The following SMC2 variants were observed in gnomAD, a reference collection of about 807,000 sequenced individuals.
The protein encoded by SMC2 is structural maintenance of chromosomes 2.
In SMC2, 41 loss-of-function variants were observed where a neutral mutation model predicts 142.6. The observed-to-expected ratio is 0.29, with a 90% confidence interval of 0.22 to 0.37. SMC2 has a LOEUF of 0.37. SMC2 is among the 10% of genes least tolerant of loss of function. SMC2 has a pLI of 1.00. For missense variants in SMC2, 1,265 were observed against 1,373.7 expected, an observed-to-expected ratio of 0.92 and a Z score of 1.25; for synonymous variants, 463 against 457.5, an observed-to-expected ratio of 1.01 and a Z score of -0.15.
chr9:104,127,361 G>GCTAAATATGCAGAAGTGGCAA lies in SMC2; in HGVS notation c.2672_2692dup (p.Ala897_Lys898insThrLysTyrAlaGluValAla). On this transcript the variant is annotated inframe_insertion, in exon 20 of 25. Transcript: ENST00000374793. Reference sequence around the variant, plus strand: ...AACAGCCCAAGACACTGTAATTAAAGCTAAATATGCAGAAGTGGCAAAACA... The same window carrying GCTAAATATGCAGAAGTGGCAA: ...AACAGCCCAAGACACTGTAATTAAAGCTAAATATGCAGAAGTGGCAACTAAATATGCAGAAGTGGCAAAACA... 6.2e-7 allele frequency: 1 copy of GCTAAATATGCAGAAGTGGCAA among 1,613,826 alleles called. No homozygotes were observed. The highest frequency in any genetic ancestry group is 8.5e-7 in the Non-Finnish European group (1 of 1,179,798).
rs143958931 is a variant in SMC2 at position 104,099,065 on chromosome 9, C to G, written c.441+497C>G. On this transcript the variant is annotated intron_variant, in intron 4 of 24. Transcript: ENST00000374793. Reference sequence around the variant, plus strand: ...CAGTGGGACCAAAATAAAAATATTTCCACTACACACCTTCATAGTTGAAAC... The same window carrying G: ...CAGTGGGACCAAAATAAAAATATTTGCACTACACACCTTCATAGTTGAAAC... Among the ~76,000 whole-genome samples the G allele has an allele frequency of 5.4e-3, 829 of 152,162 alleles. 2 individuals are homozygous for G. Among genetic ancestry groups the G allele is most frequent in the East Asian group, 0.015 (78 of 5,188 alleles).
intron 17 of SMC2, 86 bp from the exon 18 acceptor site, chr9:104,124,826 T>C (rs1834092358): frequency 2.0e-6 from 2 of 1,018,784 alleles, no homozygotes; most frequent in African/African-American, 3.3e-5. Context: ...CCCTGTAATT[T>C]TCCAAACCAT....
At chr9:104,113,205 A>AACTT in intron 10 of SMC2, 111 bp from the exon 11 acceptor site, 1 of 699,596 alleles carries the variant, frequency 1.4e-6, no homozygotes, top group Non-Finnish European at 2.2e-6. Flanking sequence ...CAAACAATTA[A>AACTT]ACTTTGAAGG....
intron 17 of SMC2, among the ~76,000 whole-genome samples, chr9:104,123,825 A>AT (rs1204422470): frequency 6.6e-6 from 1 of 152,114 alleles, no homozygotes; most frequent in African/African-American, 2.4e-5. Context: ...ATTTAGTGTA[A>AT]TTCACTTTAT....
At chr9:104,132,606 GTGCCTTC>G (rs2131546926) in intron 22 of SMC2, among the ~76,000 whole-genome samples, 1 of 152,230 alleles carries the variant, frequency 6.6e-6, no homozygotes, top group South Asian at 2.1e-4. Flanking sequence ...TAGCAAACCT[GTGCCTTC>G]TGGGTTTTAA....
chr9:104,095,583 T>C, intron 2 of SMC2, 31 bp downstream of exon 2: 2 of 1,573,548 alleles, frequency 1.3e-6, no homozygotes, highest in African/African-American at 1.3e-5. Flanking sequence ...TTTATTTGAA[T>C]TTAAGTTGGC....
intron 22 of SMC2, among the ~76,000 whole-genome samples, chr9:104,132,697 CT>C (rs1258323156): frequency 6.6e-6 from 1 of 152,058 alleles, no homozygotes; most frequent in African/African-American, 2.4e-5. Context: ...ACAATTATCC[CT>C]TTTAGTCACC....
Position 104,129,721 on chromosome 9 carries a change from A to G in SMC2, c.2867A>G (p.Asp956Gly), listed in dbSNP as rs1834732201. The G allele has an allele frequency of 6.2e-7, 1 of 1,613,924 alleles. No individual in the cohort carries two copies. The highest frequency in any genetic ancestry group is 1.3e-5 in the African/African-American group (1 of 74,920). ...HLFGQPNSAY[D>G]FKTNNPKEAG... ...TTTGGCCAACCCAATAGTGCCTATG[A>G]TTTCAAAACTAACAACCCTAAAGAA... The change falls in exon 21 of 25, where the codon GAT becomes GGT. Residue 956 changes from aspartate (D) to glycine (G), a missense_variant. Physicochemically the swap from Asp to Gly is moderately conservative, Grantham distance 94 (BLOSUM62 -1). This residue lies in a region of SMC2 where 898 missense variants were observed against 904.2 expected (regional missense o/e 0.99). Transcript: ENST00000374793.
chr9:104,096,055 G>A, intron 2 of SMC2, 93 bp from the exon 3 acceptor site: 1 of 1,123,956 alleles, frequency 8.9e-7, no homozygotes. Context: ...ACACTACGTT[G>A]GTGGGTTTTC....
At position 104,129,621 on chromosome 9, in the gene SMC2, C is replaced by T. The variant is rs1169731502; in HGVS notation, c.2791-24C>T. 6 of 1,531,686 alleles carry T rather than the reference C, an allele frequency of 3.9e-6. No individual in the cohort carries two copies. In the African/African-American group the frequency reaches 6.8e-5, roughly 17 times the overall value. 94.9% of individuals were successfully genotyped at this position (1,531,686 alleles called of 1,614,324 possible). ...TGGTTTGTAAACATTCATAGATCTC[C>T]CATCTATTTTTATATGTGGCTAGGT... On this transcript the variant is annotated intron_variant, in intron 20 of 24. Coordinates refer to ENST00000374793, the MANE Select transcript of SMC2 (RefSeq NM_006444.3).
chr9:104,135,023 A>G (rs757025924), intron 23 of SMC2, among the ~76,000 whole-genome samples: 24 of 152,102 alleles, frequency 1.6e-4, no homozygotes, highest in Non-Finnish European at 3.2e-4. Flanking sequence ...CCTAATGTAG[A>G]CACATCCTAA....
chr9:104,124,671 T>C (rs1834078802), intron 17 of SMC2, among the ~76,000 whole-genome samples: 1 of 152,124 alleles, frequency 6.6e-6, no homozygotes, highest in Admixed American at 6.6e-5. Flanking sequence ...AAAAGGATAG[T>C]TGTAGGTAAA....
At chr9:104,100,581 C>T (rs1378124621) in intron 7 of SMC2, 148 bp downstream of exon 7, 17 of 545,542 alleles carry the variant, frequency 3.1e-5, no homozygotes, top group Non-Finnish European at 5.6e-5. Flanking sequence ...CATAACTCAG[C>T]GTTCTGCTTA....
In SMC2 at chr9:104,126,646, T is replaced by G. The variant is rs1157881098; in HGVS notation, c.2457T>G (p.Val819=). The G allele has an allele frequency of 1.2e-6, 2 of 1,605,330 alleles. No individual in the cohort carries two copies. The highest frequency in any genetic ancestry group is 2.2e-5 in the East Asian group (1 of 44,770). The change falls in exon 19 of 25, where the codon GTT becomes GTG. Residue 819 remains valine (V), a synonymous_variant. Coordinates refer to ENST00000374793, the MANE Select transcript of SMC2 (RefSeq NM_006444.3). ...SKKMKEKQQE[V]EAITLELEEL... ...GAATACTGTATTTTTTATAGGAAGT[T>G]GAAGCTATCACTCTGGAACTGGAAG...
chr9:104,138,277 AAGCATTGT>A, intron 24 of SMC2, 112 bp downstream of exon 24: 1 of 819,682 alleles, frequency 1.2e-6, no homozygotes, highest in Non-Finnish European at 1.8e-6. Flanking sequence ...ATAAATACTA[AAGCATTGT>A]ATATCTATTT....
At chr9:104,110,512 A>T (rs1418533849) in intron 9 of SMC2, among the ~76,000 whole-genome samples, 2 of 152,190 alleles carry the variant, frequency 1.3e-5, no homozygotes, top group Non-Finnish European at 2.9e-5. Flanking sequence ...GGCTATTAAT[A>T]GTTAAGTTTT....
At chr9:104,121,436 C>T (rs1000841424) in intron 16 of SMC2, among the ~76,000 whole-genome samples, 2 of 151,936 alleles carry the variant, frequency 1.3e-5, no homozygotes, top group South Asian at 2.1e-4. Flanking sequence ...TTCGAGGTTG[C>T]GGTGAGCTGA....
chr9:104,105,805 C>T (rs2131345122), intron 9 of SMC2, among the ~76,000 whole-genome samples: 1 of 152,162 alleles, frequency 6.6e-6, no homozygotes, highest in East Asian at 1.9e-4. Flanking sequence ...TCCCTGTGGG[C>T]TATGACAGAA....
At position 104,134,593 on chromosome 9, in the gene SMC2, T is replaced by TGTATTATAA. The variant is rs2067101625; in HGVS notation, c.3269+18_3269+19insGTATTATAA. The TGTATTATAA allele has an allele frequency of 2.7e-6, 4 of 1,458,174 alleles. No individual in the cohort carries two copies. Among genetic ancestry groups the TGTATTATAA allele is most frequent in the Non-Finnish European group, 3.7e-6 (4 of 1,072,286 alleles). The allele number at this position is 1,458,174 out of a possible 1,614,324, so 90.3% of individuals were successfully genotyped here. A position where few individuals can be genotyped will look rare whatever the true frequency, so the allele number is the denominator to read the frequency against. ...GGTCAGAGGTGAGGAATCACTTTGC[T>TGTATTATAA]ATATTATAATTTTCATTCCTCTTTA... On this transcript the variant is annotated intron_variant, in intron 23 of 24. Transcript: ENST00000374793.
Sources: gnomAD v4.1 joint callset for allele counts (sites outside exome capture counted in the v4.1 genomes callset) on GRCh38, gnomAD v4.1.1 for gene constraint, gnomAD v4.1.1 regional missense constraint, MANE v1.5 for transcripts, NCBI Gene and HGNC (gene_info 2026-07-23, HGNC 2026-07-21) for gene names.